COL5A1: variants seen among roughly 807,000 people sequenced by gnomAD.
COL5A1 encodes collagen alpha-1(V) chain.
In COL5A1, 16 loss-of-function variants were observed where a neutral mutation model predicts 263.7. The ratio of observed to expected loss-of-function variants is 0.06; its 90% CI spans 0.04 to 0.09. COL5A1 has a LOEUF of 0.09. Ranked by LOEUF, COL5A1 falls within the 10% of genes least tolerant of loss-of-function variation. The pLI is 1.00. For missense variants in COL5A1, 2,036 were observed against 2,540.5 expected, an observed-to-expected ratio of 0.80 and a Z score of 4.27; for synonymous variants, 1,012 against 1,004.5, an observed-to-expected ratio of 1.01 and a Z score of -0.14.
intron 64 of COL5A1, 79 bp from the exon 65 acceptor site, chr9:134,834,892 C>T: frequency 9.8e-7 from 1 of 1,023,242 alleles, no homozygotes; most frequent in African/African-American, 1.6e-5. Context: ...GTGAGTGAAG[C>T]CCAGGGCAGT....
At chr9:134,708,985 CTG>C (rs1035915381) in intron 4 of COL5A1, 29 of 456,324 alleles carry the variant, frequency 6.4e-5, no homozygotes, top group Admixed American at 2.4e-4. Flanking sequence ...CTGTGTCTCT[CTG>C]TGTGACCCAC....
At position 134,835,771 on chromosome 9, in the gene COL5A1, G is replaced by A. The variant is rs116054569; in HGVS notation, c.5370+567G>A. On this transcript the variant is annotated intron_variant, in intron 65 of 65. Coordinates refer to ENST00000371817, the MANE Select transcript of COL5A1 (RefSeq NM_000093.5). Reference sequence around the variant, plus strand: ...CTCACGGGCAGTCAGGGCTGGTATTGGCGCTCATACCCATGGGCCTTCCCA... The same window carrying A: ...CTCACGGGCAGTCAGGGCTGGTATTAGCGCTCATACCCATGGGCCTTCCCA... 6.1e-3 allele frequency among the ~76,000 whole-genome samples: 935 copies of A among 152,312 alleles called. 9 individuals carry two copies. The highest frequency in any genetic ancestry group is 0.022 in the African/African-American group (904 of 41,574).
chr9:134,804,915 G>T (rs757622053), intron 39 of COL5A1, 60 bp from the exon 40 acceptor site: 10 of 1,451,992 alleles, frequency 6.9e-6, no homozygotes, highest in Non-Finnish European at 9.7e-6. Context: ...TTCGCTCTGG[G>T]GCTGGTGAGA....
intron 11 of COL5A1, among the ~76,000 whole-genome samples, chr9:134,748,249 G>C (rs530129500): frequency 1.3e-5 from 2 of 149,682 alleles, no homozygotes; most frequent in South Asian, 4.2e-4. Context: ...ATGCACACAT[G>C]CATTTACACA....
intron 4 of COL5A1, among the ~76,000 whole-genome samples, chr9:134,713,543 C>T (rs76065391): frequency 0.064 from 9,766 of 152,252 alleles, 1,047 homozygotes; most frequent in African/African-American, 0.22. Context: ...ACTATGTTCT[C>T]GAACTGAGAA....
At chr9:134,761,759 G>C (rs986717172) in intron 18 of COL5A1, among the ~76,000 whole-genome samples, 166 bp from the exon 19 acceptor site, 2 of 152,320 alleles carry the variant, frequency 1.3e-5, no homozygotes, top group South Asian at 4.1e-4. Context: ...GCATTAGCCC[G>C]GCTGAGGCAC....
rs146420987 is a variant in COL5A1 at position 134,804,246 on chromosome 9, C to T, written c.3115-729C>T. On this transcript the variant is annotated intron_variant, in intron 39 of 65. Coordinates refer to ENST00000371817, the MANE Select transcript of COL5A1 (RefSeq NM_000093.5). ...AGAGAGCTCTCCGAGCTTGGAAAGG[C>T]GGCCACGGGCATTTGACCTGCTCGT... Among the ~76,000 whole-genome samples, 399 of 152,286 alleles carry T rather than the reference C, an allele frequency of 2.6e-3. 2 individuals carry two copies. Among genetic ancestry groups the T allele is most frequent in the African/African-American group, 9.1e-3 (380 of 41,564 alleles).
rs777490404 is a variant in COL5A1 at position 134,805,150 on chromosome 9, T to C, written c.3205-11T>C. 1.2e-6 allele frequency: 2 copies of C among 1,614,010 alleles called. No individual in the cohort carries two copies. Among genetic ancestry groups the C allele is most frequent in the East Asian group, 2.2e-5 (1 of 44,858 alleles). ...CACGTGCCCTTGACCAACCTTTTCA[T>C]GGCTTTGCAGGGAGCTCTTGGACTG... On this transcript the variant is annotated splice_polypyrimidine_tract_variant and intron_variant, in intron 40 of 65. Transcript: ENST00000371817.
Position 134,685,603 on chromosome 9 carries a change from CCAT to C in COL5A1, c.110-5304_110-5302del, listed in dbSNP as rs1406119416. Among the ~76,000 whole-genome samples, 224 of 144,402 alleles carry C rather than the reference CCAT, an allele frequency of 1.6e-3. 8 individuals carry two copies. The highest frequency in any genetic ancestry group is 4.6e-3 in the South Asian group (19 of 4,090). The allele number at this position is 144,402 out of a possible 152,430, so 94.7% of individuals were successfully genotyped here. A position where few individuals can be genotyped will look rare whatever the true frequency, so the allele number is the denominator to read the frequency against. On this transcript the variant is annotated intron_variant, in intron 1 of 65. Transcript: ENST00000371817. ...ATCCATCCTCCATCCATCCATCCAT[CCAT>C]CATCCATCCATCCACCATCCATCCA...
At chr9:134,723,986 T>C (rs1834557727) in intron 4 of COL5A1, among the ~76,000 whole-genome samples, 1 of 152,148 alleles carries the variant, frequency 6.6e-6, no homozygotes, top group African/African-American at 2.4e-5. Context: ...TTTTTGGTGC[T>C]GAGAGCCGTT....
rs773994971 is a variant in COL5A1, at chr9:134,642,252, CGCT to C, written c.82_84del (p.Leu28del). 4,030 of 1,249,090 alleles carry C rather than the reference CGCT, an allele frequency of 3.2e-3. No homozygotes were observed. Among genetic ancestry groups the C allele is most frequent in the South Asian group, 7.1e-3 (282 of 39,640 alleles). The allele number at this position is 1,249,090 out of a possible 1,614,324, so 77.4% of individuals were successfully genotyped here. ...CGCCCGGGCGCCCCGCTGCTGCCCCCGCTGCTGCTGCTGCTGCTGTGGGCGCCG... is the reference window on the plus strand; with the variant it reads ...CGCCCGGGCGCCCCGCTGCTGCCCCCGCTGCTGCTGCTGCTGTGGGCGCCG... On this transcript the variant is annotated inframe_deletion, in exon 1 of 66. Transcript: ENST00000371817. This position sits in a 1 kb window ranked among gnomAD's most constrained non-coding sequence, Gnocchi z 4.5.
chr9:134,825,794 G>A lies in COL5A1; in HGVS notation c.4957G>A (p.Glu1653Lys), dbSNP rs1286248077. ...CCCTCCCCGTCTCTGAAATCCAGGT[G>A]AATACTGGGTCGATCCTAACCAAGG... ...QLCHPDFPDG[E>K]YWVDPNQGCS... Residue 1653 changes from glutamate to lysine, a missense_variant and splice_region_variant, in exon 63 of 66, where the codon GAA becomes AAA. Glu to Lys is a moderately conservative substitution (Grantham distance 56). Around this residue, in one of 3 missense-constraint regions of COL5A1, gnomAD observed 358 missense variants for 384.6 expected, o/e 0.93. Coordinates refer to ENST00000371817, the MANE Select transcript of COL5A1 (RefSeq NM_000093.5). The A allele has an allele frequency of 1.9e-6, 3 of 1,608,464 alleles. No individual in the cohort carries two copies. Among genetic ancestry groups the A allele is most frequent in the African/African-American group, 2.7e-5 (2 of 74,834 alleles).
At chr9:134,781,659 A>G (rs1837262132) in intron 28 of COL5A1, among the ~76,000 whole-genome samples, 1 of 152,214 alleles carries the variant, frequency 6.6e-6, no homozygotes, top group South Asian at 2.1e-4. Context: ...AGGGCCACGC[A>G]GGCAGCCCGA....
chr9:134,731,974 C>T lies in COL5A1; in HGVS notation c.1333-97C>T, dbSNP rs1834899447. Reference sequence around the variant, plus strand: ...GGAGATGCCCAGCTACGATAGTGCCCTCGGCCTTGCGAAATCGGGCAGATT... The same window carrying T: ...GGAGATGCCCAGCTACGATAGTGCCTTCGGCCTTGCGAAATCGGGCAGATT... On this transcript the variant is annotated intron_variant, in intron 8 of 65. Transcript: ENST00000371817. 17 of 1,405,350 alleles carry T rather than the reference C, an allele frequency of 1.2e-5. No individual in the cohort carries two copies. The South Asian group carries it at 1.6e-4, about 13-fold the overall frequency. 87.1% of individuals were successfully genotyped at this position (1,405,350 alleles called of 1,614,324 possible).
intron 18 of COL5A1, among the ~76,000 whole-genome samples, chr9:134,759,474 CA>C (rs1836160370): frequency 8.7e-6 from 1 of 114,640 alleles, no homozygotes; most frequent in African/African-American, 4.3e-5. Flanking sequence ...CACGCACACA[CA>C]CCCACACACA....
At chr9:134,763,553 T>C in intron 19 of COL5A1, 140 bp from the exon 20 acceptor site, 1 of 868,478 alleles carries the variant, frequency 1.2e-6, no homozygotes, top group Non-Finnish European at 2.0e-6. Flanking sequence ...TTCCAGGCCT[T>C]TCCGGCTGGT....
chr9:134,760,349 ACACC>A (rs1836314639), intron 18 of COL5A1, among the ~76,000 whole-genome samples: 1 of 75,820 alleles, frequency 1.3e-5, no homozygotes, highest in African/African-American at 6.6e-5. Context: ...ACACCCCCAC[ACACC>A]CCCACACATA....
At chr9:134,800,749 C>CAA (rs397951217) in intron 37 of COL5A1, among the ~76,000 whole-genome samples, 10,353 of 81,412 alleles carry the variant, frequency 0.13, 1,140 homozygotes, top group African/African-American at 0.29. Context: ...CTGTCTCAAA[C>CAA]AAAAAAAAAA....
rs1833088957 is a variant in COL5A1, at chr9:134,686,616, A to G, written c.110-4296A>G. On this transcript the variant is annotated intron_variant, in intron 1 of 65. Coordinates refer to ENST00000371817, the MANE Select transcript of COL5A1 (RefSeq NM_000093.5). The surrounding 1 kb of genome is among the most constrained non-coding windows in gnomAD (Gnocchi z 4.6). ...TGACCTTGCTGGCGTCCATTCCTTTATAGGTCTGGGGACCTGATGCCTGGT... is the reference window on the plus strand; with the variant it reads ...TGACCTTGCTGGCGTCCATTCCTTTGTAGGTCTGGGGACCTGATGCCTGGT... Among the ~76,000 whole-genome samples the G allele has an allele frequency of 2.6e-5, 4 of 152,068 alleles. 1 individual carries two copies. In the South Asian group the frequency reaches 8.3e-4, roughly 32 times the overall value.
Sources: allele counts gnomAD v4.1 joint callset (sites outside exome capture counted in the v4.1 genomes callset), GRCh38; gene constraint gnomAD v4.1.1; regional missense constraint gnomAD v4.1.1; non-coding constraint Gnocchi (gnomAD v3.1); transcripts MANE v1.5; gene names NCBI Gene and HGNC (gene_info 2026-07-23, HGNC 2026-07-21).